TCERG1L: variants seen among roughly 807,000 people sequenced by gnomAD.
The protein encoded by TCERG1L is transcription elongation regulator 1-like protein.
In TCERG1L, 37 loss-of-function variants were observed where a neutral mutation model predicts 56.3. The observed-to-expected ratio is 0.66, with a 90% confidence interval of 0.51 to 0.87. TCERG1L has a LOEUF of 0.87. Ranked by LOEUF, TCERG1L falls within the 40% of genes least tolerant of loss-of-function variation. The pLI, the probability that TCERG1L is intolerant of heterozygous loss-of-function variation, is 0.00. For synonymous variants in TCERG1L, 324 were observed against 326.3 expected (o/e 0.99, Z 0.08); for missense variants, 799 against 774.2 (o/e 1.03, Z -0.38).
At position 131,139,908 on chromosome 10, in the gene TCERG1L, C is replaced by T. The variant is rs1845716961; in HGVS notation, c.1190-5460G>A. On this transcript the variant is annotated intron_variant, in intron 7 of 11. Transcript: ENST00000368642. The stretch of plus-strand genomic sequence containing the variant: ...TGTGTCTGAGTGTGTTTGTAAGTCA[C>T]TGAGTTCAGGGAATGTGGCTGGCTG... Among the ~76,000 whole-genome samples, 4 of 152,200 alleles carry T rather than the reference C, an allele frequency of 2.6e-5. No homozygotes were observed. The South Asian group carries it at 8.3e-4, about 32-fold the overall frequency.
In TCERG1L at chr10:131,184,022, C is replaced by A. The variant is rs574590769; in HGVS notation, c.857-17137G>T. ...CCAACCTTGGGGGTTGCCCTAGAAC[C>A]CACCATATTCTCTGTCACTGTGTCT... On this transcript the variant is annotated intron_variant, in intron 4 of 11. Transcript: ENST00000368642. Among the ~76,000 whole-genome samples the A allele has an allele frequency of 1.1e-4, 17 of 152,326 alleles. No individual in the cohort carries two copies. The East Asian group carries it at 3.3e-3, about 29-fold the overall frequency.
chr10:131,301,907 T>C (rs1235049803), intron 3 of TCERG1L, among the ~76,000 whole-genome samples: 2 of 152,092 alleles, frequency 1.3e-5, no homozygotes, highest in Admixed American at 6.5e-5. Context: ...AAGGCAGACA[T>C]TGTACATTTA....
chr10:131,290,928 G>C (rs1179575422), intron 3 of TCERG1L, among the ~76,000 whole-genome samples: 2 of 152,184 alleles, frequency 1.3e-5, no homozygotes, highest in African/African-American at 4.8e-5. Context: ...GGATCTAAAA[G>C]TTATGCTGCA....
chr10:131,124,235 G>A (rs1845542477), intron 8 of TCERG1L, among the ~76,000 whole-genome samples: 1 of 152,134 alleles, frequency 6.6e-6, no homozygotes, highest in South Asian at 2.1e-4. Context: ...CCAGGCTCCT[G>A]AGCTGCGGGA....
chr10:131,221,180 G>A (rs1386986087), intron 4 of TCERG1L, among the ~76,000 whole-genome samples: 3 of 152,216 alleles, frequency 2.0e-5, no homozygotes, highest in African/African-American at 7.2e-5. Flanking sequence ...AGAATGGCAG[G>A]TGGAAAGTGT....
At chr10:131,152,630 A>G (rs116344733) in intron 6 of TCERG1L, among the ~76,000 whole-genome samples, 5,984 of 152,198 alleles carry the variant, frequency 0.039, 198 homozygotes, top group South Asian at 0.19. Context: ...ACCCATTTCC[A>G]AAGTTGCTTC....
chr10:131,165,037 G>T (rs1846017043), intron 5 of TCERG1L, among the ~76,000 whole-genome samples: 1 of 152,228 alleles, frequency 6.6e-6, no homozygotes, highest in Non-Finnish European at 1.5e-5. Flanking sequence ...CAGAGGCACA[G>T]AAGCATGAGA....
At chr10:131,157,956 A>G (rs770629069) in intron 6 of TCERG1L, among the ~76,000 whole-genome samples, 1 of 152,260 alleles carries the variant, frequency 6.6e-6, no homozygotes, top group Non-Finnish European at 1.5e-5. Flanking sequence ...GCCATTAGAC[A>G]AGAGTGAGTA....
chr10:131,240,738 C>T (rs1214653548), intron 4 of TCERG1L, among the ~76,000 whole-genome samples: 1 of 152,210 alleles, frequency 6.6e-6, no homozygotes, highest in African/African-American at 2.4e-5. Flanking sequence ...GAGGCTCCTC[C>T]TGAATTATGG....
chr10:131,111,175 G>A (rs1845410364), intron 9 of TCERG1L, among the ~76,000 whole-genome samples: 1 of 143,064 alleles, frequency 7.0e-6, no homozygotes, highest in Admixed American at 6.9e-5. Context: ...AGCCATGCCC[G>A]CTCCGACCCT....
intron 4 of TCERG1L, among the ~76,000 whole-genome samples, chr10:131,227,006 G>A (rs556920876): frequency 2.6e-5 from 4 of 152,364 alleles, no homozygotes; most frequent in South Asian, 2.1e-4. Context: ...GCAGGGAGGC[G>A]GCCCCCTCGC....
chr10:131,148,393 CA>C (rs1845822534), intron 6 of TCERG1L, among the ~76,000 whole-genome samples: 1 of 151,376 alleles, frequency 6.6e-6, no homozygotes, highest in Non-Finnish European at 1.5e-5. Context: ...CACACATAAA[CA>C]CACAGATATA....
chr10:131,281,566 A>G (rs1846454276), intron 3 of TCERG1L, among the ~76,000 whole-genome samples: 1 of 152,172 alleles, frequency 6.6e-6, no homozygotes, highest in Non-Finnish European at 1.5e-5. Context: ...ATCCTTAGGG[A>G]AAGAGCCAGA....
intron 7 of TCERG1L, among the ~76,000 whole-genome samples, chr10:131,140,411 C>T (rs959256147): frequency 5.3e-5 from 8 of 152,316 alleles, no homozygotes; most frequent in South Asian, 2.1e-4. Context: ...CCTACTCGCT[C>T]GGATCCTGAG....
rs1845922452 is a variant in TCERG1L at position 131,237,258 on chromosome 10, C to G, written c.856+23001G>C. 1.3e-5 allele frequency among the ~76,000 whole-genome samples: 2 copies of G among 152,130 alleles called. 1 individual carries two copies. Among genetic ancestry groups the G allele is most frequent in the South Asian group, 4.1e-4 (2 of 4,820 alleles). ...ATCTTCTGAGAGCCCACATGGAGACCCTGAGTGCCAGCTCCCTCCAGCCTG... is the reference window on the plus strand; with the variant it reads ...ATCTTCTGAGAGCCCACATGGAGACGCTGAGTGCCAGCTCCCTCCAGCCTG... On this transcript the variant is annotated intron_variant, in intron 4 of 11. Coordinates refer to ENST00000368642, the MANE Select transcript of TCERG1L (RefSeq NM_174937.4).
chr10:131,258,163 A>G (rs188636820), intron 4 of TCERG1L, among the ~76,000 whole-genome samples: 2 of 151,320 alleles, frequency 1.3e-5, no homozygotes, highest in East Asian at 4.0e-4. Flanking sequence ...GGTATCAGAA[A>G]TTTCCTAGGG....
chr10:131,216,239 G>A (rs773520002), intron 4 of TCERG1L, among the ~76,000 whole-genome samples: 5 of 152,204 alleles, frequency 3.3e-5, no homozygotes, highest in Non-Finnish European at 7.3e-5. Flanking sequence ...AAAGAGAGGA[G>A]GTGGAGAGAG....
chr10:131,241,514 G>A (rs986790436), intron 4 of TCERG1L, among the ~76,000 whole-genome samples: 3 of 152,024 alleles, frequency 2.0e-5, no homozygotes, highest in African/African-American at 7.2e-5. Flanking sequence ...AAACATAAGA[G>A]AGGACATGCA....
chr10:131,277,070 C>G (rs773088684), intron 3 of TCERG1L, among the ~76,000 whole-genome samples: 2 of 152,104 alleles, frequency 1.3e-5, no homozygotes, highest in Non-Finnish European at 2.9e-5. Flanking sequence ...CTAAGCGAGA[C>G]GAGAGTTTGA....
Sources: allele counts gnomAD v4.1 joint callset (sites outside exome capture counted in the v4.1 genomes callset), GRCh38; gene constraint gnomAD v4.1.1; transcripts MANE v1.5; gene names NCBI Gene and HGNC (gene_info 2026-07-23, HGNC 2026-07-21).